The following PIK3C3 variants were observed in gnomAD, a reference collection of about 807,000 sequenced individuals.
The protein encoded by PIK3C3 is PI3-kinase type 3.
A neutral mutation model predicts 126.1 loss-of-function variants in PIK3C3; 95 were observed. That is an observed-to-expected ratio of 0.75 (90% CI 0.64 to 0.89). The LOEUF is 0.89. Ranked by LOEUF, PIK3C3 falls within the 40% of genes least tolerant of loss-of-function variation. PIK3C3 has a pLI of 0.00. For synonymous variants in PIK3C3, 374 were observed against 360.0 expected (o/e 1.04, Z -0.44); for missense variants, 829 against 1,063.2 (o/e 0.78, Z 3.06).
At position 42,084,747 on chromosome 18, in the gene PIK3C3, G is replaced by A. The variant is rs1986362693; in HGVS notation, c.*3610G>A. On this transcript the variant is annotated 3_prime_UTR_variant, in exon 25 of 25. Coordinates refer to ENST00000262039, the MANE Select transcript of PIK3C3 (RefSeq NM_002647.4). ...GACTCCACTGTAAGAACTAGAGTGG[G>A]AATGGACATGTCAAAACCTCCTGGG... 1.3e-5 allele frequency: 2 copies of A among 152,136 alleles called. No homozygotes were observed. The highest frequency in any genetic ancestry group is 6.6e-5 in the Admixed American group (1 of 15,266). The allele number at this position is 152,136 out of a possible 1,614,324, so 9.4% of individuals were successfully genotyped here.
At chr18:41,974,540 C>T (rs1347170412) in intron 4 of PIK3C3, among the ~76,000 whole-genome samples, 1 of 151,942 alleles carries the variant, frequency 6.6e-6, no homozygotes, top group African/African-American at 2.4e-5. Flanking sequence ...AATTTAAATA[C>T]ACTATTACCC....
At chr18:42,038,431 C>T (rs1013612224) in intron 17 of PIK3C3, among the ~76,000 whole-genome samples, 2 of 151,728 alleles carry the variant, frequency 1.3e-5, no homozygotes, top group Non-Finnish European at 2.9e-5. Context: ...AACCTCTGCC[C>T]CCTGGGTTCA....
intron 10 of PIK3C3, among the ~76,000 whole-genome samples, chr18:42,013,028 G>C (rs1460527164): frequency 1.3e-5 from 2 of 151,408 alleles, no homozygotes; most frequent in African/African-American, 4.8e-5. Context: ...ATTAAACATA[G>C]AATGCACTCT....
intron 20 of PIK3C3, among the ~76,000 whole-genome samples, 189 bp downstream of exon 20, chr18:42,044,006 A>G (rs1209669398): frequency 1.3e-5 from 2 of 152,198 alleles, no homozygotes; most frequent in African/African-American, 2.4e-5. Context: ...TGTAAATTCT[A>G]TTTAGTCTTT....
chr18:42,029,479 C>A, intron 15 of PIK3C3, 38 bp downstream of exon 15: 2 of 1,022,834 alleles, frequency 2.0e-6, no homozygotes, highest in Non-Finnish European at 3.0e-6. Flanking sequence ...CTAATAGCAT[C>A]TTGGCATCAG....
At chr18:41,972,548 C>G (rs1980720110) in intron 4 of PIK3C3, among the ~76,000 whole-genome samples, 1 of 152,100 alleles carries the variant, frequency 6.6e-6, no homozygotes, top group African/African-American at 2.4e-5. Flanking sequence ...GAGCCTAGCT[C>G]TTTTCCACAT....
At chr18:41,971,961 C>T (rs1051575058) in intron 4 of PIK3C3, among the ~76,000 whole-genome samples, 1 of 151,856 alleles carries the variant, frequency 6.6e-6, no homozygotes. Context: ...AGTTAGGTTT[C>T]TAATTTTTTT....
chr18:42,037,387 G>C (rs1234350969), intron 16 of PIK3C3, among the ~76,000 whole-genome samples: 1 of 152,170 alleles, frequency 6.6e-6, no homozygotes, highest in Admixed American at 6.5e-5. Flanking sequence ...TTATTTTACA[G>C]ATGAGGAAAC....
At chr18:42,032,624 TTTTA>T (rs139558444) in intron 15 of PIK3C3, among the ~76,000 whole-genome samples, 12,295 of 143,980 alleles carry the variant, frequency 0.085, 559 homozygotes, top group Middle Eastern at 0.12. Context: ...TTTCTGGTTA[TTTTA>T]TTTATTTATT....
chr18:42,009,654 T>C (rs914613921), intron 10 of PIK3C3, among the ~76,000 whole-genome samples: 6 of 147,826 alleles, frequency 4.1e-5, no homozygotes, highest in East Asian at 2.0e-4. Flanking sequence ...GCTTACATTA[T>C]GTAATGTACA....
intron 24 of PIK3C3, among the ~76,000 whole-genome samples, chr18:42,069,992 A>G (rs1985708191): frequency 6.6e-6 from 1 of 151,138 alleles, no homozygotes; most frequent in African/African-American, 2.4e-5. Context: ...AGCTGGCTTC[A>G]CTCCTTCAGC....
At chr18:42,032,149 C>T (rs1212570611) in intron 15 of PIK3C3, among the ~76,000 whole-genome samples, 2 of 152,228 alleles carry the variant, frequency 1.3e-5, no homozygotes, top group East Asian at 1.9e-4. Flanking sequence ...GAGAGCAAGC[C>T]GGTCTTCTGG....
intron 4 of PIK3C3, among the ~76,000 whole-genome samples, chr18:41,985,944 C>A (rs1981452517): frequency 6.6e-6 from 1 of 152,088 alleles, no homozygotes; most frequent in Non-Finnish European, 1.5e-5. Flanking sequence ...CTCCCACATC[C>A]AAACTTAATT....
intron 12 of PIK3C3, among the ~76,000 whole-genome samples, chr18:42,016,414 T>C (rs1983076559): frequency 6.6e-6 from 1 of 152,194 alleles, no homozygotes; most frequent in Non-Finnish European, 1.5e-5. Flanking sequence ...AGATATTGAT[T>C]CATTGATTCA....
chr18:42,038,405 G>A (rs1002873945), intron 17 of PIK3C3, among the ~76,000 whole-genome samples: 2 of 151,760 alleles, frequency 1.3e-5, no homozygotes, highest in Non-Finnish European at 1.5e-5. Context: ...GAAGTGGCGC[G>A]ATCTTGGCTC....
intron 12 of PIK3C3, among the ~76,000 whole-genome samples, chr18:42,018,527 T>G (rs1052578847): frequency 2.6e-5 from 4 of 152,098 alleles, no homozygotes; most frequent in Non-Finnish European, 5.9e-5. Flanking sequence ...AAATTGGATT[T>G]TTGGTGCATA....
intron 4 of PIK3C3, among the ~76,000 whole-genome samples, chr18:41,977,520 C>T (rs891624870): frequency 1.3e-5 from 2 of 151,154 alleles, no homozygotes; most frequent in African/African-American, 4.9e-5. Context: ...TTTTGAGACA[C>T]AGTCTCACTC....
intron 24 of PIK3C3, among the ~76,000 whole-genome samples, chr18:42,078,879 T>C (rs1324796620): frequency 6.6e-6 from 1 of 152,198 alleles, no homozygotes; most frequent in Admixed American, 6.5e-5. Context: ...TTTCTCAGCC[T>C]TTATAGAATT....
At chr18:41,997,335 G>A (rs922232645) in intron 9 of PIK3C3, among the ~76,000 whole-genome samples, 12 of 152,078 alleles carry the variant, frequency 7.9e-5, no homozygotes, top group Non-Finnish European at 1.8e-4. Context: ...AAAGCTCAAA[G>A]CTAGACATTT....
Sources: gnomAD v4.1 joint callset for allele counts (sites outside exome capture counted in the v4.1 genomes callset) on GRCh38, gnomAD v4.1.1 for gene constraint, MANE v1.5 for transcripts, NCBI Gene and HGNC (gene_info 2026-07-23, HGNC 2026-07-21) for gene names.